The following SSUH2 variants were observed in gnomAD, a reference collection of about 807,000 sequenced individuals.
The protein encoded by SSUH2 is ssu-2 homolog.
SSUH2 carries 47 observed loss-of-function variants against 55.3 expected under a neutral mutation model. That is an observed-to-expected ratio of 0.85 (90% CI 0.67 to 1.08). SSUH2 has a LOEUF of 1.08. SSUH2 is among the 50% of genes least tolerant of loss of function. SSUH2 has a pLI of 0.00. For synonymous variants in SSUH2, 212 were observed against 191.5 expected (o/e 1.11, Z -0.89); for missense variants, 535 against 490.7 (o/e 1.09, Z -0.85).
At chr3:8,633,574 T>A in intron 4 of SSUH2, 92 bp downstream of exon 4, 1 of 1,105,548 alleles carries the variant, frequency 9.0e-7, no homozygotes, top group Non-Finnish European at 1.3e-6. Flanking sequence ...TCCTTTCCCC[T>A]GGCCACATCA....
rs374417368 is a variant in SSUH2, at chr3:8,619,723, T to A, written c.*145A>T. 1 of 886,628 alleles carries A rather than the reference T, an allele frequency of 1.1e-6. No individual in the cohort carries two copies. Among genetic ancestry groups the A allele is most frequent in the African/African-American group, 1.7e-5 (1 of 59,558 alleles). 54.9% of individuals were successfully genotyped at this position (886,628 alleles called of 1,614,324 possible). On this transcript the variant is annotated 3_prime_UTR_variant, in exon 12 of 12. Transcript: ENST00000544814. ...AGCTGTATAAGGGGTTGGAGCTTGA[T>A]AGATGATAAGCTGGTTTTTCTGGAA...
At chr3:8,678,829 G>A (rs74279306) in intron 2 of SSUH2, among the ~76,000 whole-genome samples, 15,049 of 110,338 alleles carry the variant, frequency 0.14, 4,614 homozygotes, top group East Asian at 0.24. Flanking sequence ...CACTCCCCAC[G>A]AGGCGGGGAC....
chr3:8,664,903 G>C (rs1246817457), intron 5 of SSUH2, among the ~76,000 whole-genome samples: 3 of 152,234 alleles, frequency 2.0e-5, no homozygotes, highest in Non-Finnish European at 4.4e-5. Context: ...ATTCCTGCAA[G>C]TTATTTCTGG....
chr3:8,620,503 C>A (rs1015117535), intron 11 of SSUH2, among the ~76,000 whole-genome samples: 2 of 152,218 alleles, frequency 1.3e-5, no homozygotes, highest in African/African-American at 4.8e-5. Flanking sequence ...ACTAACACAG[C>A]ATTCTAAACC....
chr3:8,630,696 C>T (rs572657503), intron 6 of SSUH2, 109 bp downstream of exon 6: 188 of 1,092,058 alleles, frequency 1.7e-4, no homozygotes, highest in Non-Finnish European at 1.8e-5. Flanking sequence ...AAGCACCGGC[C>T]TGAATTTTGG....
rs61752303 is a variant in SSUH2, at chr3:8,626,275, T to C, written c.721A>G (p.Lys241Glu). 3.1e-6 allele frequency: 5 copies of C among 1,614,118 alleles called. No homozygotes were observed. The highest frequency in any genetic ancestry group is 4.2e-6 in the Non-Finnish European group (5 of 1,179,988). ...AAGTGCAACAGCTTCTTCTCCCCCT[T>C]GCAGGTGGCGCAGGTCTTGTTCCCT... ...GRGNKTCATC[K>E]GEKKLLHFIQ... is the part of the protein sequence containing the mutation. Residue 241 changes from lysine to glutamate, a missense_variant, in exon 9 of 12, where the codon AAG becomes GAG. Lys to Glu is a moderately conservative substitution (Grantham distance 56). Transcript: ENST00000544814.
chr3:8,658,317 C>T (rs952745056), intron 7 of SSUH2, among the ~76,000 whole-genome samples: 16 of 152,208 alleles, frequency 1.1e-4, no homozygotes, highest in African/African-American at 3.6e-4. Flanking sequence ...TTGCTCCTTG[C>T]GTGACCACTT....
chr3:8,660,520 AAAG>A (rs1283551691), intron 6 of SSUH2, among the ~76,000 whole-genome samples: 2 of 152,226 alleles, frequency 1.3e-5, no homozygotes, highest in African/African-American at 4.8e-5. Flanking sequence ...GCCAAGGCCA[AAAG>A]AATGGGCTCC....
At chr3:8,666,974 C>G (rs34302801) in intron 5 of SSUH2, among the ~76,000 whole-genome samples, 12,944 of 152,212 alleles carry the variant, frequency 0.085, 748 homozygotes, top group Admixed American at 0.16. Context: ...GCTTCCATGC[C>G]CTCCCATGCC....
rs1329179958 is a variant in SSUH2, at chr3:8,679,186, G to T, written c.-901+519C>A. 3.6e-5 allele frequency among the ~76,000 whole-genome samples: 3 copies of T among 84,360 alleles called. 1 individual carries two copies. The highest frequency in any genetic ancestry group is 7.9e-5 in the Non-Finnish European group (3 of 38,210). The allele number at this position is 84,360 out of a possible 152,430, so 55.3% of individuals were successfully genotyped here. ...GAGGCAGCCGCTGTTCCCCCACACT[G>T]GCTCTTGGGACCCCCATCGCAGGGG... On this transcript the variant is annotated intron_variant, in intron 2 of 18. Transcript: ENST00000317371.
intron 8 of SSUH2, 24 bp from the exon 9 acceptor site, chr3:8,626,345 C>G (rs776853247): frequency 1.9e-5 from 31 of 1,598,178 alleles, no homozygotes; most frequent in Non-Finnish European, 2.6e-5. Flanking sequence ...AGAGTCCGTA[C>G]CCCCAGATCA....
chr3:8,664,107 T>C (rs1336269072), intron 5 of SSUH2, among the ~76,000 whole-genome samples: 1 of 152,216 alleles, frequency 6.6e-6, no homozygotes, highest in Non-Finnish European at 1.5e-5. Context: ...CCAAGGCTGC[T>C]GCAAACCCAG....
intron 3 of SSUH2, chr3:8,634,374 C>T (rs1459226138): frequency 1.5e-6 from 2 of 1,291,424 alleles, no homozygotes; most frequent in African/African-American, 3.0e-5. Context: ...AAGTCCCTTC[C>T]CTGAGGCCAT....
chr3:8,650,691 G>A (rs1575277514), intron 7 of SSUH2, among the ~76,000 whole-genome samples: 1 of 152,208 alleles, frequency 6.6e-6, no homozygotes, highest in East Asian at 1.9e-4. Flanking sequence ...TGTGGCTCAA[G>A]CCTTAATGAA....
intron 6 of SSUH2, among the ~76,000 whole-genome samples, chr3:8,661,757 A>G (rs1703512268): frequency 6.6e-6 from 1 of 152,182 alleles, no homozygotes; most frequent in African/African-American, 2.4e-5. Context: ...AGCTTGGGGA[A>G]CCTGTTGTAA....
intron 7 of SSUH2, among the ~76,000 whole-genome samples, chr3:8,654,242 C>A (rs538979365): frequency 6.6e-5 from 10 of 152,172 alleles, no homozygotes; most frequent in Non-Finnish European, 1.5e-4. Context: ...CTGGGGACCC[C>A]ACCCTCACGA....
intron 3 of SSUH2, among the ~76,000 whole-genome samples, chr3:8,674,513 G>A (rs569948006): frequency 6.6e-6 from 1 of 152,108 alleles, no homozygotes; most frequent in Non-Finnish European, 1.5e-5. Context: ...CTGAACATTC[G>A]CTAGTAACCG....
upstream of SSUH2, among the ~76,000 whole-genome samples, chr3:8,648,707 G>T (rs375020968): frequency 6.6e-6 from 1 of 152,094 alleles, no homozygotes; most frequent in Non-Finnish European, 1.5e-5. Context: ...TCATTCCCTT[G>T]ATGTAGCTGA....
chr3:8,650,391 C>T (rs1702257631), intron 7 of SSUH2, among the ~76,000 whole-genome samples: 1 of 152,210 alleles, frequency 6.6e-6, no homozygotes, highest in Non-Finnish European at 1.5e-5. Flanking sequence ...GCACTGTGAA[C>T]AGAGCCTGGA....
Sources: allele counts gnomAD v4.1 joint callset (sites outside exome capture counted in the v4.1 genomes callset), GRCh38; gene constraint gnomAD v4.1.1; transcripts MANE v1.5; gene names NCBI Gene and HGNC (gene_info 2026-07-23, HGNC 2026-07-21).